Variants in MCM9 observed in about 807,000 individuals in gnomAD.
The protein encoded by MCM9 is DNA helicase MCM9.
In MCM9, 55 loss-of-function variants were observed where a neutral mutation model predicts 72.8. The ratio of observed to expected loss-of-function variants is 0.76; its 90% CI spans 0.61 to 0.95. The LOEUF (loss-of-function observed/expected upper bound fraction) is 0.95, where lower values mean the gene tolerates loss of function less well. Among genes scored for constraint, MCM9 ranks in the 40% least tolerant of loss-of-function variants. The pLI is 0.00. For synonymous variants in MCM9, 480 were observed against 503.4 expected (o/e 0.95, Z 0.62); for missense variants, 1,279 against 1,377.0 (o/e 0.93, Z 1.13).
At chr6:118,820,835 G>A (rs1478024176) in intron 13 of MCM9, among the ~76,000 whole-genome samples, 2 of 152,142 alleles carry the variant, frequency 1.3e-5, no homozygotes, top group Non-Finnish European at 2.9e-5. Flanking sequence ...ATTTAGGATA[G>A]TTAGCTCTTC....
At chr6:118,826,020 G>A in intron 13 of MCM9, 127 bp downstream of exon 13, 4 of 972,086 alleles carry the variant, frequency 4.1e-6, no homozygotes, top group Non-Finnish European at 6.0e-6. Context: ...GTATCTGCCT[G>A]TCCTAAGAAC....
intron 13 of MCM9, among the ~76,000 whole-genome samples, chr6:118,822,029 C>A (rs775156286): frequency 6.6e-6 from 1 of 152,154 alleles, no homozygotes; most frequent in Non-Finnish European, 1.5e-5. Context: ...TTCCTGTAAT[C>A]TTTTATCAAG....
intron 9 of MCM9, among the ~76,000 whole-genome samples, chr6:118,837,112 G>A (rs1775015708): frequency 6.6e-6 from 1 of 152,124 alleles, no homozygotes; most frequent in Admixed American, 6.5e-5. Context: ...ATTTATTTCT[G>A]CCTTAATTTC....
At position 118,814,851 on chromosome 6, in the gene MCM9, C is replaced by T. The variant is rs763168470; in HGVS notation, c.3405G>A (p.Trp1135Ter). 1.3e-6 allele frequency: 2 copies of T among 1,520,516 alleles called. No homozygotes were observed. Among genetic ancestry groups the T allele is most frequent in the South Asian group, 1.3e-5 (1 of 79,892 alleles). 94.2% of individuals were successfully genotyped at this position (1,520,516 alleles called of 1,614,324 possible). ...ELGDEAFDCD[W>*]DEEMRKKS ...ATGACTTTTTTCTCATCTCTTCATCCCAGTCACAATCAAATGCTTCATCAC... is the reference window on the plus strand; with the variant it reads ...ATGACTTTTTTCTCATCTCTTCATCTCAGTCACAATCAAATGCTTCATCAC... The change falls in exon 14 of 14, where the codon TGG becomes TGA. Residue 1135 changes from tryptophan (W) to a stop codon, truncating the protein, a stop_gained. Coordinates refer to ENST00000619706, the MANE Select transcript of MCM9 (RefSeq NM_017696.3). LOFTEE classifies it high-confidence loss of function.
chr6:118,819,327 G>A (rs543928923), intron 13 of MCM9, among the ~76,000 whole-genome samples: 47 of 152,234 alleles, frequency 3.1e-4, no homozygotes, highest in African/African-American at 1.0e-3. Context: ...TTTTTAGCAC[G>A]AAGGGGTGTT....
chr6:118,874,466 C>G (rs760411715), intron 8 of MCM9, among the ~76,000 whole-genome samples: 2 of 152,150 alleles, frequency 1.3e-5, no homozygotes, highest in South Asian at 2.1e-4. Flanking sequence ...TACAAAAAAT[C>G]TGCAGCTAAC....
At chr6:118,865,689 C>A (rs1333687180) in intron 8 of MCM9, among the ~76,000 whole-genome samples, 1 of 152,166 alleles carries the variant, frequency 6.6e-6, no homozygotes, top group Non-Finnish European at 1.5e-5. Flanking sequence ...CTTTGGCTTA[C>A]CCCTATGATA....
In MCM9 at chr6:118,814,938, G is replaced by GTC; in HGVS notation, c.3317_3318insGA (p.Arg1107ThrfsTer8). 6.5e-7 allele frequency: 1 copy of GTC among 1,547,180 alleles called. No individual in the cohort carries two copies. The highest frequency in any genetic ancestry group is 8.7e-7 in the Non-Finnish European group (1 of 1,145,368). ...CAATCAGTTTCTCGGTGGACCCACG[G>GTC]AGCTGAAAAGATTTCCTTTTACTGA... On this transcript the variant is annotated frameshift_variant, in exon 14 of 14. Coordinates refer to ENST00000619706, the MANE Select transcript of MCM9 (RefSeq NM_017696.3). LOFTEE classifies it low-confidence loss of function (END_TRUNC).
At chr6:118,870,706 A>T (rs1203614374) in intron 8 of MCM9, among the ~76,000 whole-genome samples, 1 of 152,138 alleles carries the variant, frequency 6.6e-6, no homozygotes, top group Non-Finnish European at 1.5e-5. Context: ...TTTAAAAAAT[A>T]AAATTGACAA....
chr6:118,883,010 G>A (rs911458293), intron 8 of MCM9, among the ~76,000 whole-genome samples: 1 of 130,622 alleles, frequency 7.7e-6, no homozygotes, highest in South Asian at 2.6e-4. Context: ...AGAGGATCCA[G>A]ATTTCAAATG....
chr6:118,923,733 T>C, intron 4 of MCM9, 78 bp downstream of exon 4: 1 of 1,248,652 alleles, frequency 8.0e-7, no homozygotes, highest in South Asian at 1.4e-5. Flanking sequence ...CCATTCTGTG[T>C]TCCCTAATCC....
intron 8 of MCM9, among the ~76,000 whole-genome samples, chr6:118,866,923 A>G (rs1256255642): frequency 6.6e-6 from 1 of 152,222 alleles, no homozygotes; most frequent in African/African-American, 2.4e-5. Context: ...TGAAAGCAGT[A>G]AAGTAAAAGC....
intron 8 of MCM9, among the ~76,000 whole-genome samples, chr6:118,870,986 G>A (rs1777562066): frequency 6.6e-6 from 1 of 152,124 alleles, no homozygotes; most frequent in Non-Finnish European, 1.5e-5. Flanking sequence ...GAAAAGCCCA[G>A]GACCAGAAGG....
chr6:118,826,846 A>G lies in MCM9; in HGVS notation c.1751T>C (p.Phe584Ser). Residue 584 changes from phenylalanine to serine, a missense_variant, in exon 12 of 14, where the codon TTT (phenylalanine) becomes TCT (serine). Phe to Ser is a radical substitution (Grantham distance 155). Coordinates refer to ENST00000619706, the MANE Select transcript of MCM9 (RefSeq NM_017696.3). Reference protein sequence around the residue: ...RLAEAHARLMFRDTVTLEDAI... With the variant: ...RLAEAHARLMSRDTVTLEDAI... ...GTCTTCCAGAGTTACAGTATCACGA[A>G]ACATCAGGCGAGCATGAGCTAAGAA... is the stretch of plus-strand genomic sequence containing the variant. 1 of 1,550,416 alleles carries G rather than the reference A, an allele frequency of 6.4e-7. No individual in the cohort carries two copies. Among genetic ancestry groups the G allele is most frequent in the Non-Finnish European group, 8.7e-7 (1 of 1,146,926 alleles).
At chr6:118,858,441 C>T (rs1171804660) in intron 8 of MCM9, among the ~76,000 whole-genome samples, 1 of 152,020 alleles carries the variant, frequency 6.6e-6, no homozygotes, top group Non-Finnish European at 1.5e-5. Flanking sequence ...TCATCTCCTA[C>T]AAAGATCAGA....
intron 12 of MCM9, 146 bp downstream of exon 12, chr6:118,826,636 C>A: frequency 1.5e-6 from 1 of 654,030 alleles, no homozygotes; most frequent in Non-Finnish European, 2.6e-6. Context: ...TTCATTTAAT[C>A]GGTTACCTTT....
intron 8 of MCM9, among the ~76,000 whole-genome samples, chr6:118,872,161 C>CA (rs1777640312): frequency 6.7e-6 from 1 of 150,120 alleles, no homozygotes; most frequent in South Asian, 2.1e-4. Context: ...ACTAAAAGTA[C>CA]AAAAAAAATT....
chr6:118,908,370 C>T (rs1181745400), intron 8 of MCM9: 1 of 152,072 alleles, frequency 6.6e-6, no homozygotes, highest in Non-Finnish European at 1.5e-5. Flanking sequence ...AAAATACAAA[C>T]TCCCTGTGTT....
At chr6:118,864,189 C>T (rs1777076842) in intron 8 of MCM9, among the ~76,000 whole-genome samples, 1 of 152,056 alleles carries the variant, frequency 6.6e-6, no homozygotes, top group African/African-American at 2.4e-5. Context: ...ACCCAATAAG[C>T]AGTCTTTTGT....
Sources: allele counts gnomAD v4.1 joint callset (sites outside exome capture counted in the v4.1 genomes callset), GRCh38; gene constraint gnomAD v4.1.1; transcripts MANE v1.5; gene names NCBI Gene and HGNC (gene_info 2026-07-23, HGNC 2026-07-21).